PRR5L: variants seen among roughly 807,000 people sequenced by gnomAD.
PRR5L encodes proline-rich protein 5-like.
In PRR5L, 21 loss-of-function variants were observed where a neutral mutation model predicts 36.4. That is an observed-to-expected ratio of 0.58 (90% CI 0.41 to 0.83). The LOEUF is 0.83. Ranked by LOEUF, PRR5L falls within the 40% of genes least tolerant of loss-of-function variation. PRR5L has a pLI of 0.00. For missense variants in PRR5L, 381 were observed against 473.3 expected, an observed-to-expected ratio of 0.80 and a Z score of 1.81; for synonymous variants, 188 against 197.0, an observed-to-expected ratio of 0.95 and a Z score of 0.38.
At chr11:36,454,270 A>C (rs544692783) in intron 8 of PRR5L, among the ~76,000 whole-genome samples, 1 of 152,146 alleles carries the variant, frequency 6.6e-6, no homozygotes, top group East Asian at 1.9e-4. Context: ...GAGGGATCCT[A>C]AGCCAGACAT....
At chr11:36,419,228 G>A (rs751544375) in intron 3 of PRR5L, 27 bp from the exon 4 acceptor site, 8 of 1,611,452 alleles carry the variant, frequency 5.0e-6, no homozygotes, top group African/African-American at 1.3e-5. Context: ...GCTGCTTGAC[G>A]GTGTTTCTCT....
chr11:36,314,283 G>A (rs1283023899), intron 1 of PRR5L, among the ~76,000 whole-genome samples: 1 of 152,082 alleles, frequency 6.6e-6, no homozygotes, highest in Non-Finnish European at 1.5e-5. Flanking sequence ...TGGTCCCTTG[G>A]GCTTGGGCTC....
At chr11:36,325,447 T>G (rs1856652396) in intron 1 of PRR5L, among the ~76,000 whole-genome samples, 2 of 152,190 alleles carry the variant, frequency 1.3e-5, no homozygotes, top group African/African-American at 4.8e-5. Context: ...TTGCAAGATT[T>G]AATAGAGTGA....
chr11:36,366,539 T>G (rs1329986797), intron 1 of PRR5L, among the ~76,000 whole-genome samples: 1 of 152,202 alleles, frequency 6.6e-6, no homozygotes, highest in African/African-American at 2.4e-5. Flanking sequence ...CATTTCCTAT[T>G]AATGACATCT....
intron 1 of PRR5L, among the ~76,000 whole-genome samples, chr11:36,339,477 T>C (rs1282486059): frequency 6.6e-6 from 1 of 152,256 alleles, no homozygotes; most frequent in African/African-American, 2.4e-5. Flanking sequence ...CTGACACTTA[T>C]TTAAATTATT....
intron 1 of PRR5L, chr11:36,379,242 A>T (rs1160273492): frequency 6.6e-6 from 1 of 152,082 alleles, no homozygotes. Context: ...GGATTACTTA[A>T]TTTTTTCAGA....
At chr11:36,421,171 C>G (rs987501144) in intron 4 of PRR5L, among the ~76,000 whole-genome samples, 2 of 152,138 alleles carry the variant, frequency 1.3e-5, no homozygotes, top group Admixed American at 6.5e-5. Context: ...GGTTGAATTG[C>G]CTTCCTCCTT....
intron 8 of PRR5L, among the ~76,000 whole-genome samples, chr11:36,458,991 G>T (rs12275362): frequency 0.039 from 5,927 of 152,296 alleles, 376 homozygotes; most frequent in African/African-American, 0.13. Context: ...TGACTGGGAA[G>T]CTGGGAAGAG....
chr11:36,415,498 C>T (rs1858122212), intron 3 of PRR5L, among the ~76,000 whole-genome samples: 1 of 152,248 alleles, frequency 6.6e-6, no homozygotes, highest in Admixed American at 6.5e-5. Flanking sequence ...AATCCTAGCA[C>T]TTTGGGAGGC....
chr11:36,461,828 T>C (rs1859188595), intron 8 of PRR5L, among the ~76,000 whole-genome samples: 1 of 152,090 alleles, frequency 6.6e-6, no homozygotes, highest in South Asian at 2.1e-4. Context: ...TTCTGTATGA[T>C]TTGCAAGATA....
intron 1 of PRR5L, among the ~76,000 whole-genome samples, chr11:36,311,205 A>G (rs1409111444): frequency 6.6e-6 from 1 of 152,144 alleles, no homozygotes. Flanking sequence ...GTTCAGTGCT[A>G]GTCCCATTCT....
At chr11:36,441,990 C>T (rs1858732291) in intron 6 of PRR5L, among the ~76,000 whole-genome samples, 1 of 152,122 alleles carries the variant, frequency 6.6e-6, no homozygotes, top group Non-Finnish European at 1.5e-5. Flanking sequence ...GCGTGGCCTC[C>T]AAAACCATTA....
chr11:36,308,870 C>G (rs1171292512), intron 1 of PRR5L, among the ~76,000 whole-genome samples: 1 of 152,228 alleles, frequency 6.6e-6, no homozygotes, highest in Admixed American at 6.5e-5. Flanking sequence ...AGCCACTGCC[C>G]TTTCTCCCTG....
intron 7 of PRR5L, 44 bp from the exon 8 acceptor site, chr11:36,451,165 C>A: frequency 6.2e-7 from 1 of 1,607,594 alleles, no homozygotes; most frequent in South Asian, 1.1e-5. Context: ...CTGGTCATGG[C>A]AATGAACACT....
chr11:36,427,570 A>G (rs569479630), intron 4 of PRR5L, among the ~76,000 whole-genome samples: 1 of 152,294 alleles, frequency 6.6e-6, no homozygotes, highest in South Asian at 2.1e-4. Flanking sequence ...GTCCAGGAAG[A>G]CTGGACACTT....
Position 36,414,283 on chromosome 11 carries a change from C to T in PRR5L, c.246-4972C>T, listed in dbSNP as rs370715997. ...TTCTAGTTCTACATCCCTGAGGAAT[C>T]GCCACACTGACTTCCACAATGGTTG... On this transcript the variant is annotated intron_variant, in intron 3 of 8. Coordinates refer to ENST00000530639, the MANE Select transcript of PRR5L (RefSeq NM_001160167.2). 1.3e-4 allele frequency among the ~76,000 whole-genome samples: 20 copies of T among 150,372 alleles called. No individual in the cohort carries two copies. The East Asian group carries it at 2.8e-3, about 21-fold the overall frequency.
chr11:36,345,892 A>G (rs1856860384), intron 1 of PRR5L, among the ~76,000 whole-genome samples: 1 of 152,202 alleles, frequency 6.6e-6, no homozygotes, highest in Non-Finnish European at 1.5e-5. Context: ...GTTTCCTAAA[A>G]GTATAATTCC....
At chr11:36,304,821 T>C (rs932760555) in intron 1 of PRR5L, among the ~76,000 whole-genome samples, 4 of 142,096 alleles carry the variant, frequency 2.8e-5, no homozygotes, top group African/African-American at 1.0e-4. Context: ...ATGAAAACCA[T>C]GATGAGACGC....
intron 1 of PRR5L, among the ~76,000 whole-genome samples, chr11:36,350,954 A>ATATATTTATATATT (rs1323895906): frequency 0.016 from 218 of 13,970 alleles, 9 homozygotes; most frequent in Non-Finnish European, 0.023. Flanking sequence ...ATATATATTT[A>ATATATTTATATATT]TATATATTTA....
Sources: gnomAD v4.1 joint callset for allele counts (sites outside exome capture counted in the v4.1 genomes callset) on GRCh38, gnomAD v4.1.1 for gene constraint, MANE v1.5 for transcripts, NCBI Gene and HGNC (gene_info 2026-07-23, HGNC 2026-07-21) for gene names.